Variants in FAM20C observed in about 807,000 individuals in gnomAD.
FAM20C encodes FAM20C golgi associated secretory pathway kinase.
FAM20C carries 40 observed loss-of-function variants against 51.5 expected under a neutral mutation model. That is an observed-to-expected ratio of 0.78 (90% CI 0.60 to 1.01). The LOEUF is 1.01. Among genes scored for constraint, FAM20C ranks in the 50% least tolerant of loss-of-function variants. FAM20C has a pLI of 0.00. For synonymous variants in FAM20C, 406 were observed against 380.6 expected, an observed-to-expected ratio of 1.07 and a Z score of -0.78; for missense variants, 861 against 844.7, an observed-to-expected ratio of 1.02 and a Z score of -0.24.
chr7:202,333 T>C (rs1341191993), intron 2 of FAM20C, among the ~76,000 whole-genome samples: 1 of 141,684 alleles, frequency 7.1e-6, no homozygotes, highest in African/African-American at 2.7e-5. Context: ...CCAGTGTGCA[T>C]AGAGAGAATG....
intron 3 of FAM20C, among the ~76,000 whole-genome samples, chr7:232,029 G>A (rs1040480235): frequency 3.9e-5 from 6 of 152,292 alleles, no homozygotes; most frequent in South Asian, 2.1e-4. Context: ...CGGCCTCGTC[G>A]GGCTGTCCCT....
intron 3 of FAM20C, among the ~76,000 whole-genome samples, chr7:245,591 TGCTTACAC>T (rs533545030): frequency 3.6e-4 from 55 of 152,284 alleles, no homozygotes; most frequent in East Asian, 2.7e-3. Context: ...GGAGGAAGCA[TGCTTACAC>T]GCTTACACGC....
At chr7:196,783 G>A (rs1460576119) in intron 2 of FAM20C, among the ~76,000 whole-genome samples, 1 of 152,154 alleles carries the variant, frequency 6.6e-6, no homozygotes, top group Admixed American at 6.5e-5. Context: ...CTCTCTGCCG[G>A]GTGCTGAGTT....
intron 5 of FAM20C, among the ~76,000 whole-genome samples, chr7:252,443 C>G (rs1788437848): frequency 6.6e-6 from 1 of 151,656 alleles, no homozygotes; most frequent in African/African-American, 2.4e-5. Context: ...GAGCCCAGAG[C>G]ACATTGGAGG....
At chr7:235,377 T>C (rs1320298620) in intron 3 of FAM20C, among the ~76,000 whole-genome samples, 2 of 152,094 alleles carry the variant, frequency 1.3e-5, no homozygotes, top group Middle Eastern at 3.2e-3. Flanking sequence ...GCCCGTGACA[T>C]GAGTGTGGGT....
intron 5 of FAM20C, among the ~76,000 whole-genome samples, chr7:250,875 C>G (rs1051417331): frequency 4.6e-5 from 7 of 152,240 alleles, no homozygotes; most frequent in African/African-American, 1.7e-4. Flanking sequence ...GACTGACATT[C>G]CCCATCCTCA....
At chr7:210,653 C>A (rs1356824161) in intron 3 of FAM20C, among the ~76,000 whole-genome samples, 1 of 152,124 alleles carries the variant, frequency 6.6e-6, no homozygotes, top group Non-Finnish European at 1.5e-5. Flanking sequence ...TCAGGAGCAT[C>A]CCCTGGAGGG....
Position 258,720 on chromosome 7 carries a change from G to C in FAM20C, c.1505+15G>C. ...CAGTGCTGCAGGTACAGCCCCTGCC[G>C]GAGCCGGCTCCAGCTCCACCCTCCT... is the stretch of plus-strand genomic sequence containing the variant. On this transcript the variant is annotated intron_variant, in intron 9 of 9. Coordinates refer to ENST00000313766, the MANE Select transcript of FAM20C (RefSeq NM_020223.4). 6.5e-7 allele frequency: 1 copy of C among 1,532,270 alleles called. No individual in the cohort carries two copies. Among genetic ancestry groups the C allele is most frequent in the Non-Finnish European group, 8.7e-7 (1 of 1,143,910 alleles). 94.9% of individuals were successfully genotyped at this position (1,532,270 alleles called of 1,614,324 possible).
rs958206364 is a variant in FAM20C at position 256,253 on chromosome 7, C to A, written c.1253+224C>A. The A allele has an allele frequency of 1.1e-5, 7 of 623,708 alleles. No homozygotes were observed. In the African/African-American group the frequency reaches 1.3e-4, roughly 12 times the overall value. The allele number at this position is 623,708 out of a possible 1,614,324, so 38.6% of individuals were successfully genotyped here. A position where few individuals can be genotyped will look rare whatever the true frequency, so the allele number is the denominator to read the frequency against. Reference sequence around the variant, plus strand: ...GCTTCCCTGACCCGGGCCGGCCTGCCCACCAGGTCCCTCGAATCGGGGCCT... The same window carrying A: ...GCTTCCCTGACCCGGGCCGGCCTGCACACCAGGTCCCTCGAATCGGGGCCT... On this transcript the variant is annotated intron_variant, in intron 6 of 9. Coordinates refer to ENST00000313766, the MANE Select transcript of FAM20C (RefSeq NM_020223.4).
Position 193,744 on chromosome 7 carries a change from T to A in FAM20C, c.545T>A (p.Val182Asp). Residue 182 changes from valine to aspartate, a missense_variant, in exon 1 of 10, where the codon GTC becomes GAC. Val to Asp is a radical substitution (Grantham distance 152). Coordinates refer to ENST00000313766, the MANE Select transcript of FAM20C (RefSeq NM_020223.4). Reference protein sequence around the residue: ...VAVPPLTEEDVLFNVNSDTRL... With the variant: ...VAVPPLTEEDDLFNVNSDTRL... ...GTTCCGCCGCTCACGGAGGAGGACGTCCTGTTCAATGTGAACAGCGACACC... is the reference window on the plus strand; with the variant it reads ...GTTCCGCCGCTCACGGAGGAGGACGACCTGTTCAATGTGAACAGCGACACC... 6.5e-7 allele frequency: 1 copy of A among 1,548,740 alleles called. No homozygotes were observed. The highest frequency in any genetic ancestry group is 8.7e-7 in the Non-Finnish European group (1 of 1,146,232).
rs1412837057 is a variant in FAM20C, at chr7:192,918, C to T, written c.-282C>T. 1.3e-5 allele frequency: 2 copies of T among 151,530 alleles called. No homozygotes were observed. 9.4% of individuals were successfully genotyped at this position (151,530 alleles called of 1,614,324 possible). On this transcript the variant is annotated 5_prime_UTR_variant, in exon 1 of 10. Coordinates refer to ENST00000313766, the MANE Select transcript of FAM20C (RefSeq NM_020223.4). ...CCCCTGCTGCGGCCCCAGCCGCCCC[C>T]CGCGCGCCCGGCTCCGCGGACCAGG...
At position 256,116 on chromosome 7, in the gene FAM20C, C is replaced by T. The variant is rs552178274; in HGVS notation, c.1253+87C>T. The T allele has an allele frequency of 6.1e-5, 89 of 1,460,886 alleles. No individual in the cohort carries two copies. The African/African-American group carries it at 9.1e-4, about 15-fold the overall frequency. The allele number at this position is 1,460,886 out of a possible 1,614,324, so 90.5% of individuals were successfully genotyped here. ...GCGGGCATGGGAGGGTCGGCGCCCA[C>T]GGGGGTGGCAGAGATGGGTGCAGAG... On this transcript the variant is annotated intron_variant, in intron 6 of 9. Transcript: ENST00000313766.
chr7:253,609 T>A (rs36131999), intron 5 of FAM20C, among the ~76,000 whole-genome samples: 1 of 148,618 alleles, frequency 6.7e-6, no homozygotes, highest in Non-Finnish European at 1.5e-5. Context: ...CCGTGGCTTC[T>A]TTGTGTAATT....
chr7:231,141 A>G (rs904207383), intron 3 of FAM20C, among the ~76,000 whole-genome samples: 6 of 152,088 alleles, frequency 3.9e-5, no homozygotes, highest in Non-Finnish European at 8.8e-5. Flanking sequence ...CCTCCCATCC[A>G]AGCATCAGGA....
chr7:250,105 A>C (rs750515720), intron 5 of FAM20C, among the ~76,000 whole-genome samples: 1 of 152,144 alleles, frequency 6.6e-6, no homozygotes, highest in African/African-American at 2.4e-5. Context: ...ATAAAATCCA[A>C]TTAGGGCCCC....
chr7:215,277 G>A lies in FAM20C; in HGVS notation c.863+6301G>A, dbSNP rs898735286. ...TGTATGGAGAGGATGGAGCTGGGTGGGGGGAGCAGGGCCCGTGGTGTATGG... is the reference window on the plus strand; with the variant it reads ...TGTATGGAGAGGATGGAGCTGGGTGAGGGGAGCAGGGCCCGTGGTGTATGG... On this transcript the variant is annotated intron_variant, in intron 3 of 9. Transcript: ENST00000313766. Among the ~76,000 whole-genome samples, 141 of 63,468 alleles carry A rather than the reference G, an allele frequency of 2.2e-3. 5 individuals carry two copies. The highest frequency in any genetic ancestry group is 2.5e-3 in the African/African-American group (40 of 16,132). The allele number at this position is 63,468 out of a possible 152,430, so 41.6% of individuals were successfully genotyped here. A position where few individuals can be genotyped will look rare whatever the true frequency, so the allele number is the denominator to read the frequency against.
intron 3 of FAM20C, among the ~76,000 whole-genome samples, chr7:211,164 C>A (rs1360773246): frequency 6.8e-6 from 1 of 147,094 alleles, no homozygotes; most frequent in Non-Finnish European, 1.5e-5. Context: ...CTCCTCCCAG[C>A]CTCCGCCAAC....
At chr7:255,359 C>T (rs922613978) in intron 5 of FAM20C, among the ~76,000 whole-genome samples, 2 of 152,174 alleles carry the variant, frequency 1.3e-5, no homozygotes, top group Non-Finnish European at 2.9e-5. Flanking sequence ...TCATGCTTGT[C>T]GGCCATCAGG....
At chr7:215,230 G>T (rs187944840) in intron 3 of FAM20C, among the ~76,000 whole-genome samples, 2,057 of 48,110 alleles carry the variant, frequency 0.043, 94 homozygotes, top group African/African-American at 0.14. Flanking sequence ...GCTCCAGCTG[G>T]GGGGGGGAGC....
Sources: allele counts gnomAD v4.1 joint callset (sites outside exome capture counted in the v4.1 genomes callset), GRCh38; gene constraint gnomAD v4.1.1; transcripts MANE v1.5; gene names NCBI Gene and HGNC (gene_info 2026-07-23, HGNC 2026-07-21).